The following PGM5 variants were observed in gnomAD, a reference collection of about 807,000 sequenced individuals.
PGM5 encodes phosphoglucomutase 5, also known as phosphoglucomutase-like protein 5.
A neutral mutation model predicts 59.2 loss-of-function variants in PGM5; 23 were observed. That is an observed-to-expected ratio of 0.39 (90% CI 0.28 to 0.55). The LOEUF (loss-of-function observed/expected upper bound fraction) is 0.55, where lower values mean the gene tolerates loss of function less well. Ranked by LOEUF, PGM5 falls within the 20% of genes least tolerant of loss-of-function variation. The pLI is 0.66. For synonymous variants in PGM5, 214 were observed against 286.0 expected (o/e 0.75, Z 2.54); for missense variants, 574 against 748.3 (o/e 0.77, Z 2.72).
intron 6 of PGM5, among the ~76,000 whole-genome samples, chr9:68,424,128 A>C (rs10780922): frequency 6.6e-6 from 1 of 151,932 alleles, no homozygotes; most frequent in Non-Finnish European, 1.5e-5. Context: ...CATCTGGAAA[A>C]GTTTCCTATG....
chr9:68,361,800 T>C (rs1834585061), intron 1 of PGM5, among the ~76,000 whole-genome samples: 1 of 152,016 alleles, frequency 6.6e-6, no homozygotes, highest in African/African-American at 2.4e-5. Flanking sequence ...GTTCAGCCCA[T>C]TGCAAGGTTT....
At chr9:68,498,190 A>G (rs567623310) in intron 9 of PGM5, 25 of 152,270 alleles carry the variant, frequency 1.6e-4, no homozygotes, top group Non-Finnish European at 3.2e-4. Flanking sequence ...TGCCTCCCCC[A>G]TATTTTGCCC....
intron 7 of PGM5, among the ~76,000 whole-genome samples, chr9:68,471,763 A>G (rs889167342): frequency 1.3e-5 from 2 of 152,076 alleles, no homozygotes; most frequent in African/African-American, 2.4e-5. Flanking sequence ...TATTAACAAT[A>G]CAAAAATTAG....
At chr9:68,489,710 G>T (rs1245542176) in intron 9 of PGM5, among the ~76,000 whole-genome samples, 1 of 151,812 alleles carries the variant, frequency 6.6e-6, no homozygotes, top group East Asian at 1.9e-4. Flanking sequence ...CAAGTGATCC[G>T]CCCACCTCGG....
intron 10 of PGM5, among the ~76,000 whole-genome samples, chr9:68,521,777 C>G (rs1451002974): frequency 6.6e-6 from 1 of 152,172 alleles, no homozygotes; most frequent in Non-Finnish European, 1.5e-5. Context: ...GCCAGGGAAA[C>G]AGTCCTAACA....
rs1834706075 is a variant in PGM5 at position 68,367,647 on chromosome 9, C to T, written c.261+10259C>T. Among the ~76,000 whole-genome samples, 3 of 152,104 alleles carry T rather than the reference C, an allele frequency of 2.0e-5. No homozygotes were observed. In the South Asian group the frequency reaches 6.2e-4, roughly 32 times the overall value. On this transcript the variant is annotated intron_variant, in intron 1 of 10. Coordinates refer to ENST00000396396, the MANE Select transcript of PGM5 (RefSeq NM_021965.4). ...GTGGAATATAATACAGAAGATCCAGCTTGGATGTCATAAATAACAATAAAT... is the reference window on the plus strand; with the variant it reads ...GTGGAATATAATACAGAAGATCCAGTTTGGATGTCATAAATAACAATAAAT...
At chr9:68,459,869 A>G (rs976941732) in intron 6 of PGM5, among the ~76,000 whole-genome samples, 15 of 149,262 alleles carry the variant, frequency 1.0e-4, no homozygotes, top group Non-Finnish European at 1.3e-4. Flanking sequence ...ATCTGCCTTT[A>G]AAAAAAACTA....
At chr9:68,438,778 A>G (rs565276912) in intron 6 of PGM5, among the ~76,000 whole-genome samples, 1 of 152,354 alleles carries the variant, frequency 6.6e-6, no homozygotes, top group Admixed American at 6.5e-5. Context: ...TGCAGACAGG[A>G]AAGTCCTCTA....
chr9:68,440,026 C>T (rs183081190), intron 6 of PGM5, among the ~76,000 whole-genome samples: 48 of 152,170 alleles, frequency 3.2e-4, no homozygotes, highest in African/African-American at 9.9e-4. Context: ...AAAGATCCAA[C>T]GGTCCTAAAT....
At chr9:68,490,251 A>G (rs551888848) in intron 9 of PGM5, among the ~76,000 whole-genome samples, 4 of 152,388 alleles carry the variant, frequency 2.6e-5, no homozygotes, top group Admixed American at 2.0e-4. Flanking sequence ...AATCATATCA[A>G]CTGGAGAATC....
chr9:68,484,195 A>T (rs1824249215), intron 9 of PGM5, 147 bp downstream of exon 9: 1 of 684,638 alleles, frequency 1.5e-6, no homozygotes, highest in Admixed American at 2.7e-5. Flanking sequence ...AAAGCCCTTG[A>T]TGAAGGACAC....
intron 6 of PGM5, among the ~76,000 whole-genome samples, chr9:68,456,612 C>G (rs1823782502): frequency 6.7e-6 from 1 of 150,204 alleles, no homozygotes; most frequent in Non-Finnish European, 1.5e-5. Context: ...AGCACTGTGC[C>G]CTGTCCTTTT....
intron 10 of PGM5, among the ~76,000 whole-genome samples, chr9:68,518,693 C>T (rs562285179): frequency 6.6e-6 from 1 of 152,304 alleles, no homozygotes; most frequent in South Asian, 2.1e-4. Context: ...TCTGATTTTT[C>T]AGTTTAGTCC....
At chr9:68,476,468 T>C (rs1226688961) in intron 7 of PGM5, among the ~76,000 whole-genome samples, 4 of 152,236 alleles carry the variant, frequency 2.6e-5, no homozygotes, top group Non-Finnish European at 4.4e-5. Context: ...GAAAACCATT[T>C]GATACCTTTG....
At chr9:68,450,814 A>C (rs72714325) in intron 6 of PGM5, among the ~76,000 whole-genome samples, 1 of 152,196 alleles carries the variant, frequency 6.6e-6, no homozygotes, top group Non-Finnish European at 1.5e-5. Flanking sequence ...CTGGGATTGC[A>C]TGTGTCTGTA....
chr9:68,409,186 C>T (rs1360026247), intron 6 of PGM5, among the ~76,000 whole-genome samples: 5 of 149,504 alleles, frequency 3.3e-5, no homozygotes, highest in Admixed American at 1.3e-4. Context: ...TACCATCTCA[C>T]ACCAGTTAGA....
chr9:68,395,140 A>AT (rs1260055903), intron 6 of PGM5, among the ~76,000 whole-genome samples: 1 of 152,122 alleles, frequency 6.6e-6, no homozygotes, highest in Non-Finnish European at 1.5e-5. Context: ...GTCTAGAATG[A>AT]TTTTGAATTA....
intron 10 of PGM5, among the ~76,000 whole-genome samples, chr9:68,502,808 G>C (rs2309312): frequency 6.6e-6 from 1 of 151,848 alleles, no homozygotes; most frequent in Non-Finnish European, 1.5e-5. Flanking sequence ...TCCTGCCTCA[G>C]CCCCCCGAGT....
At chr9:68,386,125 G>T (rs1313215046) in intron 3 of PGM5, among the ~76,000 whole-genome samples, 1 of 151,658 alleles carries the variant, frequency 6.6e-6, no homozygotes, top group Non-Finnish European at 1.5e-5. Context: ...TAGGCAAGTG[G>T]TTCAAGAATT....
Sources: gnomAD v4.1 joint callset for allele counts (sites outside exome capture counted in the v4.1 genomes callset) on GRCh38, gnomAD v4.1.1 for gene constraint, MANE v1.5 for transcripts, NCBI Gene and HGNC (gene_info 2026-07-23, HGNC 2026-07-21) for gene names.